The following NUFIP1 variants were observed in gnomAD, a reference collection of about 807,000 sequenced individuals.
NUFIP1 encodes FMR1-interacting protein NUFIP1.
In NUFIP1, 38 loss-of-function variants were observed where a neutral mutation model predicts 56.2. The observed-to-expected ratio is 0.68, with a 90% CI of 0.52 to 0.89. NUFIP1 has a LOEUF of 0.89. Ranked by LOEUF, NUFIP1 falls within the 40% of genes least tolerant of loss-of-function variation. The pLI is 0.00. For missense variants in NUFIP1, 567 were observed against 605.8 expected, an observed-to-expected ratio of 0.94 and a Z score of 0.67; for synonymous variants, 215 against 212.4, an observed-to-expected ratio of 1.01 and a Z score of -0.10.
chr13:44,956,580 A>G (rs931599882), intron 7 of NUFIP1, among the ~76,000 whole-genome samples: 1 of 152,200 alleles, frequency 6.6e-6, no homozygotes, highest in African/African-American at 2.4e-5. Context: ...CCATCTTGGG[A>G]TGATGGGAGA....
intron 9 of NUFIP1, among the ~76,000 whole-genome samples, chr13:44,941,915 T>C (rs1322254893): frequency 7.2e-6 from 1 of 138,264 alleles, no homozygotes; most frequent in Non-Finnish European, 1.6e-5. Flanking sequence ...TCTGCGATTC[T>C]TTTTTTTTTG....
At chr13:44,941,383 T>G (rs1870730442) in intron 9 of NUFIP1, 61 bp from the exon 10 acceptor site, 1 of 925,082 alleles carries the variant, frequency 1.1e-6, no homozygotes. Flanking sequence ...AAATACAATC[T>G]AAAATATTGC....
chr13:44,945,652 C>G (rs895485008), intron 8 of NUFIP1, among the ~76,000 whole-genome samples: 3 of 151,986 alleles, frequency 2.0e-5, no homozygotes, highest in African/African-American at 2.4e-5. Context: ...GGAATACAGG[C>G]TGGTTTGACA....
At chr13:44,976,598 G>GT (rs1418264944) in intron 5 of NUFIP1, among the ~76,000 whole-genome samples, 1 of 152,114 alleles carries the variant, frequency 6.6e-6, no homozygotes, top group Non-Finnish European at 1.5e-5. Context: ...AGAAAACCTT[G>GT]TATCTATAAA....
chr13:44,948,599 C>CA (rs2137893567), intron 8 of NUFIP1, among the ~76,000 whole-genome samples: 1 of 152,216 alleles, frequency 6.6e-6, no homozygotes, highest in African/African-American at 2.4e-5. Context: ...AATGACCACA[C>CA]AGAGCCAGGT....
intron 6 of NUFIP1, among the ~76,000 whole-genome samples, chr13:44,964,150 G>T (rs541464304): frequency 9.2e-5 from 14 of 151,990 alleles, no homozygotes; most frequent in Non-Finnish European, 1.6e-4. Context: ...AAAACATAAA[G>T]AAATAGTTTT....
chr13:44,954,531 C>T (rs1871166208), intron 7 of NUFIP1, among the ~76,000 whole-genome samples: 1 of 152,088 alleles, frequency 6.6e-6, no homozygotes, highest in Non-Finnish European at 1.5e-5. Flanking sequence ...CCTTTGAATG[C>T]CTTGTCCGCT....
At chr13:44,950,326 A>AC (rs1475326535) in intron 7 of NUFIP1, among the ~76,000 whole-genome samples, 4 of 152,310 alleles carry the variant, frequency 2.6e-5, no homozygotes, top group Non-Finnish European at 5.9e-5. Flanking sequence ...GCTTAGTCAA[A>AC]CAGTAATGCT....
intron 5 of NUFIP1, among the ~76,000 whole-genome samples, chr13:44,968,714 T>C (rs1296146631): frequency 1.3e-5 from 2 of 152,222 alleles, no homozygotes; most frequent in Non-Finnish European, 2.9e-5. Flanking sequence ...CTTAAGTTTC[T>C]TCAACATTTT....
rs1369303638 is a variant in NUFIP1 at position 44,989,108 on chromosome 13, C to CA, written c.328dup (p.Trp110LeufsTer16). 6.2e-7 allele frequency: 1 copy of CA among 1,613,980 alleles called. No homozygotes were observed. The highest frequency in any genetic ancestry group is 2.2e-5 in the East Asian group (1 of 44,884). On this transcript the variant is annotated frameshift_variant, in exon 1 of 10. Coordinates refer to ENST00000379161, the MANE Select transcript of NUFIP1 (RefSeq NM_012345.3). LOFTEE classifies it high-confidence loss of function. ...CCACGATGTGGAAGCATGGAAATTC[C>CA]AAGGCTGGCCGCTGGGTTGAGGCTG...
At chr13:44,948,040 C>T (rs541169988) in intron 8 of NUFIP1, among the ~76,000 whole-genome samples, 1 of 152,238 alleles carries the variant, frequency 6.6e-6, no homozygotes, top group African/African-American at 2.4e-5. Context: ...CATATTAAAG[C>T]CTAACGGCTC....
rs1593375273 is a variant in NUFIP1, at chr13:44,989,389, C to T, written c.48G>A (p.Ala16=). Residue 16 remains alanine, a synonymous_variant, in exon 1 of 10, where the codon GCG becomes GCA. Transcript: ENST00000379161. ...CTAACGTGGGAGTCAGCTCGGGAGA[C>T]GCATGCCACCCGATAGGAGTCTCGA... ...SDFETPIGWH[A]SPELTPTLGP... The T allele has an allele frequency of 3.7e-6, 6 of 1,613,460 alleles. No individual in the cohort carries two copies. The highest frequency in any genetic ancestry group is 4.2e-6 in the Non-Finnish European group (5 of 1,179,904).
At position 44,965,938 on chromosome 13, in the gene NUFIP1, TAG is replaced by T; in HGVS notation, c.735-4_735-3del. On this transcript the variant is annotated splice_region_variant and splice_polypyrimidine_tract_variant and intron_variant, in intron 5 of 9. Coordinates refer to ENST00000379161, the MANE Select transcript of NUFIP1 (RefSeq NM_012345.3). ...ATATTGGCCAGAGTTGGATAGTTTC[TAG>T]AAAATAATAAAAGTTAATTATAATA... 1 of 1,515,348 alleles carries T rather than the reference TAG, an allele frequency of 6.6e-7. No homozygotes were observed. The highest frequency in any genetic ancestry group is 1.3e-5 in the South Asian group (1 of 79,262). The allele number at this position is 1,515,348 out of a possible 1,614,324, so 93.9% of individuals were successfully genotyped here.
In NUFIP1 at chr13:44,980,760, G is replaced by A. The variant is rs140746438; in HGVS notation, c.556C>T (p.Gln186Ter). The change falls in exon 3 of 10, where the codon CAA (glutamine) becomes TAA (stop). Residue 186 changes from glutamine to a stop codon, truncating the protein, a stop_gained. Coordinates refer to ENST00000379161, the MANE Select transcript of NUFIP1 (RefSeq NM_012345.3). LOFTEE classifies it high-confidence loss of function. ...CDTCDRGFKN[Q>*]EKYDKHMSEH... ...GACATGTGTTTGTCATACTTTTCTTGATTTTTAAAACCACGATCACAGGTA... is the reference window on the plus strand; with the variant it reads ...GACATGTGTTTGTCATACTTTTCTTAATTTTTAAAACCACGATCACAGGTA... The A allele has an allele frequency of 6.2e-7, 1 of 1,603,252 alleles. No homozygotes were observed. The highest frequency in any genetic ancestry group is 8.5e-7 in the Non-Finnish European group (1 of 1,177,922).
At chr13:44,954,769 T>A (rs1871172393) in intron 7 of NUFIP1, among the ~76,000 whole-genome samples, 1 of 152,190 alleles carries the variant, frequency 6.6e-6, no homozygotes, top group Non-Finnish European at 1.5e-5. Flanking sequence ...TGCTTTATAG[T>A]CTCCAGCTCT....
intron 6 of NUFIP1, among the ~76,000 whole-genome samples, chr13:44,961,044 T>C (rs1190491112): frequency 7.0e-6 from 1 of 142,254 alleles, no homozygotes; most frequent in Non-Finnish European, 1.5e-5. Flanking sequence ...AGTAAGACTC[T>C]GTCTCCAGAA....
At chr13:44,968,475 A>C (rs1189553992) in intron 5 of NUFIP1, among the ~76,000 whole-genome samples, 3 of 152,142 alleles carry the variant, frequency 2.0e-5, no homozygotes, top group African/African-American at 7.2e-5. Flanking sequence ...GATGAAAAAT[A>C]AAACCTCCAA....
chr13:44,955,491 C>T (rs1399541909), intron 7 of NUFIP1, among the ~76,000 whole-genome samples: 1 of 152,064 alleles, frequency 6.6e-6, no homozygotes, highest in Non-Finnish European at 1.5e-5. Context: ...AAGTTCTGAG[C>T]CAGAAAAAGG....
In NUFIP1 at chr13:44,989,413, G is replaced by C. The variant is rs569402801; in HGVS notation, c.24C>G (p.Phe8Leu). 1.2e-6 allele frequency: 2 copies of C among 1,613,410 alleles called. No individual in the cohort carries two copies. The highest frequency in any genetic ancestry group is 1.7e-6 in the Non-Finnish European group (2 of 1,179,836). The change falls in exon 1 of 10, where the codon TTC (phenylalanine) becomes TTG (leucine). Residue 8 changes from phenylalanine (F) to leucine (L), a missense_variant. Coordinates refer to ENST00000379161, the MANE Select transcript of NUFIP1 (RefSeq NM_012345.3). The stretch of plus-strand genomic sequence containing the variant: ...ACGCATGCCACCCGATAGGAGTCTC[G>C]AAATCACTAGTCGGCTCAGCCATAC... Reference protein sequence around the residue: MAEPTSDFETPIGWHASP... With the variant: MAEPTSDLETPIGWHASP...
Sources: allele counts gnomAD v4.1 joint callset (sites outside exome capture counted in the v4.1 genomes callset), GRCh38; gene constraint gnomAD v4.1.1; transcripts MANE v1.5; gene names NCBI Gene and HGNC (gene_info 2026-07-23, HGNC 2026-07-21).